NCOA2: variants seen among roughly 807,000 people sequenced by gnomAD.
NCOA2 encodes the protein class E basic helix-loop-helix protein 75.
NCOA2 carries 21 observed loss-of-function variants against 145.1 expected under a neutral mutation model. That is an observed-to-expected ratio of 0.14 (90% confidence interval 0.10 to 0.21). The LOEUF is 0.21. Among genes scored for constraint, NCOA2 ranks in the 10% least tolerant of loss-of-function variants. The pLI is 1.00. For synonymous variants in NCOA2, 619 were observed against 637.5 expected, an observed-to-expected ratio of 0.97 and a Z score of 0.44; for missense variants, 1,472 against 1,837.6, an observed-to-expected ratio of 0.80 and a Z score of 3.64.
intron 12 of NCOA2, 84 bp from the exon 13 acceptor site, chr8:70,144,932 G>T: frequency 1.6e-6 from 2 of 1,266,818 alleles, no homozygotes; most frequent in Non-Finnish European, 2.3e-6. Context: ...GACAATGTCT[G>T]TAAAATGACA....
rs185851727 is a variant in NCOA2 at position 70,230,035 on chromosome 8, G to C, written c.-19-13271C>G. Among the ~76,000 whole-genome samples the C allele has an allele frequency of 3.9e-3, 595 of 152,292 alleles. 2 individuals are homozygous for C. Among genetic ancestry groups the C allele is most frequent in the Non-Finnish European group, 6.9e-3 (472 of 68,030 alleles). ...GTTAGGCACTTACTTTGTAGAGTCTGAAAACCTTAACCCCCAGAATAAGGA... is the reference window on the plus strand; with the variant it reads ...GTTAGGCACTTACTTTGTAGAGTCTCAAAACCTTAACCCCCAGAATAAGGA... On this transcript the variant is annotated intron_variant, in intron 2 of 22. Coordinates refer to ENST00000452400, the MANE Select transcript of NCOA2 (RefSeq NM_006540.4).
chr8:70,357,749 A>G (rs1022870691), intron 1 of NCOA2, among the ~76,000 whole-genome samples: 6 of 150,836 alleles, frequency 4.0e-5, no homozygotes, highest in Non-Finnish European at 8.9e-5. Flanking sequence ...TCTCAAAAAA[A>G]AAGCGCGGTG....
the NCOA2 span, among the ~76,000 whole-genome samples, chr8:70,412,814 TG>T: frequency 6.6e-6 from 1 of 152,056 alleles, no homozygotes; most frequent in African/African-American, 2.4e-5. Context: ...AAGTTAATAG[TG>T]GGCCGGGTAC....
chr8:70,325,653 T>A (rs1250451429), intron 1 of NCOA2, among the ~76,000 whole-genome samples: 2 of 152,160 alleles, frequency 1.3e-5, no homozygotes, highest in African/African-American at 4.8e-5. Context: ...TCTGCCCACT[T>A]TGGCCTCCCA....
chr8:70,440,736 A>G, the NCOA2 span, among the ~76,000 whole-genome samples: 2 of 151,084 alleles, frequency 1.3e-5, no homozygotes, highest in Non-Finnish European at 2.9e-5. Context: ...GAGAGAGAGA[A>G]AGAAAGAAAA....
chr8:70,418,624 T>C, the NCOA2 span, among the ~76,000 whole-genome samples: 4 of 152,310 alleles, frequency 2.6e-5, no homozygotes, highest in African/African-American at 7.2e-5. Context: ...GCTAGCTACC[T>C]AGTGGTAGGT....
At chr8:70,200,503 C>T (rs896820708) in intron 4 of NCOA2, among the ~76,000 whole-genome samples, 13 of 152,150 alleles carry the variant, frequency 8.5e-5, no homozygotes, top group African/African-American at 2.4e-4. Flanking sequence ...TCAACTCCAG[C>T]TCCATGAAGA....
the NCOA2 span, among the ~76,000 whole-genome samples, chr8:70,453,646 G>A: frequency 7.9e-5 from 12 of 152,260 alleles, no homozygotes; most frequent in African/African-American, 2.9e-4. Context: ...TCTCAGTGAG[G>A]CCCTCTCGAA....
At chr8:70,447,136 T>C in the NCOA2 span, among the ~76,000 whole-genome samples, 1 of 152,232 alleles carries the variant, frequency 6.6e-6, no homozygotes, top group Admixed American at 6.5e-5. Flanking sequence ...AATTATTTTT[T>C]GAGGAAAATA....
the NCOA2 span, among the ~76,000 whole-genome samples, chr8:70,417,839 C>T: frequency 1.3e-5 from 2 of 152,152 alleles, no homozygotes; most frequent in African/African-American, 2.4e-5. Flanking sequence ...TGTGTAGTTG[C>T]TGACTAGTTT....
At chr8:70,419,471 C>T in the NCOA2 span, among the ~76,000 whole-genome samples, 1 of 152,012 alleles carries the variant, frequency 6.6e-6, no homozygotes, top group Non-Finnish European at 1.5e-5. Flanking sequence ...ATAATCTTAA[C>T]TACATTTTAA....
Position 70,322,294 on chromosome 8 carries a change from G to A in NCOA2, c.-76-25494C>T, listed in dbSNP as rs183331473. Among the ~76,000 whole-genome samples, 506 of 152,094 alleles carry A rather than the reference G, an allele frequency of 3.3e-3. 3 individuals are homozygous for A. The highest frequency in any genetic ancestry group is 0.011 in the African/African-American group (472 of 41,484). On this transcript the variant is annotated intron_variant, in intron 1 of 22. Transcript: ENST00000452400. ...ACTTTCAACCAAGTCATTATGCCTC[G>A]AGAGCTCTGTCAAGACTTAATATAT...
At chr8:70,212,079 AT>A (rs1819098784) in intron 4 of NCOA2, among the ~76,000 whole-genome samples, 1 of 29,696 alleles carries the variant, frequency 3.4e-5, no homozygotes, top group Non-Finnish European at 1.0e-4. Flanking sequence ...ATATATATAT[AT>A]ATATATATAT....
At chr8:70,411,951 T>C in the NCOA2 span, among the ~76,000 whole-genome samples, 1 of 152,244 alleles carries the variant, frequency 6.6e-6, no homozygotes, top group Non-Finnish European at 1.5e-5. Context: ...AGTTTATTCA[T>C]GGTATACAAA....
intron 1 of NCOA2, among the ~76,000 whole-genome samples, chr8:70,366,157 A>T (rs1201483151): frequency 6.6e-6 from 1 of 152,212 alleles, no homozygotes; most frequent in Non-Finnish European, 1.5e-5. Context: ...CCCAAGCCTG[A>T]ATCTAGGCCA....
chr8:70,142,079 C>A (rs1585811055), intron 13 of NCOA2, among the ~76,000 whole-genome samples: 1 of 152,204 alleles, frequency 6.6e-6, no homozygotes, highest in Non-Finnish European at 1.5e-5. Context: ...TCTGACCACA[C>A]ATAAGAGCGT....
chr8:70,432,864 C>G, the NCOA2 span, among the ~76,000 whole-genome samples: 2 of 151,612 alleles, frequency 1.3e-5, no homozygotes, highest in Non-Finnish European at 2.9e-5. Context: ...TGGTTAAAGC[C>G]CCAATATTTT....
At chr8:70,261,153 A>G (rs1436389188) in intron 2 of NCOA2, among the ~76,000 whole-genome samples, 2 of 152,194 alleles carry the variant, frequency 1.3e-5, no homozygotes, top group Admixed American at 6.5e-5. Context: ...ACATGTACAC[A>G]TATGTTTATT....
At chr8:70,373,781 T>TA (rs1811426135) in intron 1 of NCOA2, among the ~76,000 whole-genome samples, 1 of 152,186 alleles carries the variant, frequency 6.6e-6, no homozygotes, top group Admixed American at 6.5e-5. Flanking sequence ...TCCAGTTGTT[T>TA]TAACATCATT....
Sources: gnomAD v4.1 joint callset for allele counts (sites outside exome capture counted in the v4.1 genomes callset) on GRCh38, gnomAD v4.1.1 for gene constraint, MANE v1.5 for transcripts, NCBI Gene and HGNC (gene_info 2026-07-23, HGNC 2026-07-21) for gene names.